PARP8: variants seen among roughly 807,000 people sequenced by gnomAD.
The protein encoded by PARP8 is poly(ADP-ribose) polymerase family member 8.
Under a neutral mutation model 124.1 loss-of-function variants are expected in PARP8, and 51 were observed. The ratio of observed to expected loss-of-function variants is 0.41; its 90% CI spans 0.33 to 0.52. The LOEUF (loss-of-function observed/expected upper bound fraction) is 0.52, where lower values mean the gene tolerates loss of function less well. Ranked by LOEUF, PARP8 falls within the 20% of genes least tolerant of loss-of-function variation. The pLI is 0.21. For synonymous variants in PARP8, 391 were observed against 361.5 expected (o/e 1.08, Z -0.93); for missense variants, 860 against 1,018.9 (o/e 0.84, Z 2.12).
chr5:50,835,032 A>G lies in PARP8; in HGVS notation c.2462+17A>G. 1.9e-6 allele frequency: 3 copies of G among 1,602,888 alleles called. No homozygotes were observed. The highest frequency in any genetic ancestry group is 2.6e-6 in the Non-Finnish European group (3 of 1,171,258). On this transcript the variant is annotated intron_variant, in intron 25 of 25. Coordinates refer to ENST00000281631, the MANE Select transcript of PARP8 (RefSeq NM_024615.4). ...CTTTTTCGTGTAAGTGGAAATGCTC[A>G]AATTTGTATATTACTGTCTTTGCCA... is the stretch of plus-strand genomic sequence containing the variant.
intron 2 of PARP8, among the ~76,000 whole-genome samples, chr5:50,702,085 T>G (rs1753657531): frequency 6.6e-6 from 1 of 152,168 alleles, no homozygotes; most frequent in Admixed American, 6.5e-5. Flanking sequence ...GATGAAAATG[T>G]ATTCCTATTT....
chr5:50,692,981 A>G (rs1752653140), intron 2 of PARP8, among the ~76,000 whole-genome samples: 1 of 152,124 alleles, frequency 6.6e-6, no homozygotes, highest in Admixed American at 6.6e-5. Flanking sequence ...TCAGGAAAGG[A>G]GTTCTTAAAA....
rs192436235 is a variant in PARP8 at position 50,710,525 on chromosome 5, A to G, written c.147-39626A>G. Reference sequence around the variant, plus strand: ...AAAGTTTTTTTTCTAAATTAAATAAACCTTTTTTATTTAGAAGAATCAGAG... The same window carrying G: ...AAAGTTTTTTTTCTAAATTAAATAAGCCTTTTTTATTTAGAAGAATCAGAG... On this transcript the variant is annotated intron_variant, in intron 2 of 25. Coordinates refer to ENST00000281631, the MANE Select transcript of PARP8 (RefSeq NM_024615.4). Among the ~76,000 whole-genome samples, 50 of 152,178 alleles carry G rather than the reference A, an allele frequency of 3.3e-4. 1 individual carries two copies. The East Asian group carries it at 7.1e-3, about 22-fold the overall frequency.
chr5:50,751,341 C>T (rs1338971434), intron 3 of PARP8, among the ~76,000 whole-genome samples: 2 of 152,116 alleles, frequency 1.3e-5, no homozygotes, highest in Non-Finnish European at 2.9e-5. Context: ...TATTGATTAT[C>T]ATTTGTGCTC....
chr5:50,751,160 G>A (rs1266725946), intron 3 of PARP8, among the ~76,000 whole-genome samples: 1 of 152,146 alleles, frequency 6.6e-6, no homozygotes, highest in African/African-American at 2.4e-5. Context: ...AAGACACTAA[G>A]TGAATTAATC....
Position 50,830,475 on chromosome 5 carries a change from C to T in PARP8, c.2233+514C>T, listed in dbSNP as rs549273781. Among the ~76,000 whole-genome samples the T allele has an allele frequency of 3.9e-5, 6 of 152,236 alleles. No homozygotes were observed. In the South Asian group the frequency reaches 1.2e-3, roughly 32 times the overall value. The stretch of plus-strand genomic sequence containing the variant: ...GAAAAAATTGAAAACTTGTGCTGTG[C>T]AGGAGCCTGGTGAGTTCAAAATGTA... On this transcript the variant is annotated intron_variant, in intron 22 of 25. Coordinates refer to ENST00000281631, the MANE Select transcript of PARP8 (RefSeq NM_024615.4).
At chr5:50,753,955 A>C (rs1394976728) in intron 3 of PARP8, among the ~76,000 whole-genome samples, 1 of 150,884 alleles carries the variant, frequency 6.6e-6, no homozygotes, top group Non-Finnish European at 1.5e-5. Flanking sequence ...AAGTGAAGAG[A>C]AAATATCTTG....
At position 50,797,193 on chromosome 5, in the gene PARP8, G is replaced by C; in HGVS notation, c.1535G>C (p.Cys512Ser). The change falls in exon 14 of 26, where the codon TGT becomes TCT. Residue 512 changes from cysteine to serine, a missense_variant. By Grantham distance (112) the Cys-to-Ser change is moderately radical. This residue lies in a region of PARP8 where 343 missense variants were observed against 474.7 expected (regional missense o/e 0.72). Transcript: ENST00000281631. Reference sequence around the variant, plus strand: ...GTATTAAATGAATATTGTGTGGTTTGTGATGAGCCACATGTGTTTCAAAAT... The same window carrying C: ...GTATTAAATGAATATTGTGTGGTTTCTGATGAGCCACATGTGTTTCAAAAT... Reference protein sequence around the residue: ...IPVLNEYCVVCDEPHVFQNGP... With the variant: ...IPVLNEYCVVSDEPHVFQNGP... 2 of 1,612,576 alleles carry C rather than the reference G, an allele frequency of 1.2e-6. No individual in the cohort carries two copies. The highest frequency in any genetic ancestry group is 1.7e-6 in the Non-Finnish European group (2 of 1,179,092).
At chr5:50,666,383 AT>A (rs1749278664), upstream of PARP8, 1 of 151,864 alleles carries the variant, frequency 6.6e-6, no homozygotes, top group African/African-American at 2.4e-5. Context: ...CATAAAAGTG[AT>A]GGGGGGAGGG....
At chr5:50,825,841 TG>T (rs1402251983) in intron 18 of PARP8, among the ~76,000 whole-genome samples, 1 of 152,198 alleles carries the variant, frequency 6.6e-6, no homozygotes, top group African/African-American at 2.4e-5. Flanking sequence ...CAAAAGAATC[TG>T]GCTTCCTCAA....
At chr5:50,834,332 T>A (rs79960238) in intron 24 of PARP8, among the ~76,000 whole-genome samples, 3 of 152,160 alleles carry the variant, frequency 2.0e-5, no homozygotes, top group African/African-American at 7.2e-5. Flanking sequence ...ATCTCTTTAG[T>A]TAATGTGCTA....
In PARP8 at chr5:50,756,511, A is replaced by G. The variant is rs536123353; in HGVS notation, c.185-3132A>G. ...AAGCCAACAGAATGGATTCATACAG[A>G]TGGGATGATCATCAAAGATCATGAG... On this transcript the variant is annotated intron_variant, in intron 3 of 25. Transcript: ENST00000281631. Among the ~76,000 whole-genome samples, 7 of 152,316 alleles carry G rather than the reference A, an allele frequency of 4.6e-5. No homozygotes were observed. The South Asian group carries it at 1.4e-3, about 32-fold the overall frequency.
At chr5:50,688,550 A>G (rs570142732) in intron 2 of PARP8, among the ~76,000 whole-genome samples, 1 of 152,368 alleles carries the variant, frequency 6.6e-6, no homozygotes, top group South Asian at 2.1e-4. Context: ...ACAATATTCT[A>G]CAATTCATTT....
At chr5:50,712,228 G>A (rs1241981478) in intron 2 of PARP8, among the ~76,000 whole-genome samples, 1 of 151,982 alleles carries the variant, frequency 6.6e-6, no homozygotes, top group Non-Finnish European at 1.5e-5. Context: ...CCATTTTGTA[G>A]GCTCCTCCCA....
At chr5:50,669,763 T>G (rs34758774) in intron 2 of PARP8, among the ~76,000 whole-genome samples, 16,195 of 152,266 alleles carry the variant, frequency 0.11, 1,239 homozygotes, top group African/African-American at 0.22. Flanking sequence ...ATGGTTGCTC[T>G]TAAAGTAAGA....
chr5:50,673,779 C>T (rs138057027), intron 2 of PARP8, among the ~76,000 whole-genome samples: 3 of 152,316 alleles, frequency 2.0e-5, no homozygotes, highest in East Asian at 3.9e-4. Context: ...AAATTATGTA[C>T]GTTGGCTGTG....
chr5:50,776,809 C>A (rs566138511), intron 7 of PARP8, among the ~76,000 whole-genome samples: 3 of 152,224 alleles, frequency 2.0e-5, no homozygotes, highest in South Asian at 4.1e-4. Context: ...TATTATAATT[C>A]TATTACTTGA....
At chr5:50,747,586 T>A (rs1758728949) in intron 2 of PARP8, among the ~76,000 whole-genome samples, 1 of 152,048 alleles carries the variant, frequency 6.6e-6, no homozygotes, top group Non-Finnish European at 1.5e-5. Context: ...TTATGATTGG[T>A]ATGACTTCTT....
At chr5:50,787,146 A>G (rs992676426) in intron 9 of PARP8, among the ~76,000 whole-genome samples, 2 of 151,984 alleles carry the variant, frequency 1.3e-5, no homozygotes, top group African/African-American at 4.8e-5. Context: ...CCACCCGCAA[A>G]ATCTGTCCAC....
Sources: allele counts gnomAD v4.1 joint callset (sites outside exome capture counted in the v4.1 genomes callset), GRCh38; gene constraint gnomAD v4.1.1; regional missense constraint gnomAD v4.1.1; transcripts MANE v1.5; gene names NCBI Gene and HGNC (gene_info 2026-07-23, HGNC 2026-07-21).